The following KALRN variants were observed in gnomAD, a reference collection of about 807,000 sequenced individuals.
KALRN encodes the protein kalirin RhoGEF kinase.
A neutral mutation model predicts 353.7 loss-of-function variants in KALRN; 70 were observed. That is an observed-to-expected ratio of 0.20 (90% CI 0.16 to 0.24). The LOEUF (loss-of-function observed/expected upper bound fraction) is 0.24. KALRN is among the 10% of genes least tolerant of loss of function. The pLI, the probability that KALRN is intolerant of heterozygous loss-of-function variation, is 1.00. For missense variants in KALRN, 2,791 were observed against 3,756.7 expected, an observed-to-expected ratio of 0.74 and a Z score of 6.72; for synonymous variants, 1,391 against 1,434.8, an observed-to-expected ratio of 0.97 and a Z score of 0.69.
chr3:124,395,575 C>A, intron 12 of KALRN: 1 of 509,678 alleles, frequency 2.0e-6, no homozygotes, highest in Non-Finnish European at 3.5e-6. Context: ...GGATGTTATT[C>A]AGCCATCAGT....
chr3:124,542,055 G>A (rs2069095807), intron 33 of KALRN, among the ~76,000 whole-genome samples: 1 of 152,210 alleles, frequency 6.6e-6, no homozygotes, highest in African/African-American at 2.4e-5. Flanking sequence ...TCACCTGTGG[G>A]CACAGAATGG....
In KALRN at chr3:124,269,051, G is replaced by T. The variant is rs761432296; in HGVS notation, c.765G>T (p.Leu255=). ...TGGACCGGGAGGGGCAGCGGCTGCT[G>T]CAGTGCATCCGCTGCAGCGACGGCT... ...EELDREGQRL[L]QCIRCSDGFS... The change falls in exon 5 of 60, where the codon CTG becomes CTT. Residue 255 remains leucine (L), a synonymous_variant. Coordinates refer to ENST00000682506, the MANE Select transcript of KALRN (RefSeq NM_001388419.1). The T allele has an allele frequency of 6.2e-7, 1 of 1,612,786 alleles. No homozygotes were observed. Among genetic ancestry groups the T allele is most frequent in the South Asian group, 1.1e-5 (1 of 91,014 alleles).
intron 10 of KALRN, among the ~76,000 whole-genome samples, chr3:124,354,584 T>C (rs969638193): frequency 6.6e-6 from 1 of 152,192 alleles, no homozygotes; most frequent in African/African-American, 2.4e-5. Flanking sequence ...ATAAATAAAA[T>C]GTGCTTAGAT....
chr3:124,514,230 A>C (rs62265343), intron 33 of KALRN, among the ~76,000 whole-genome samples: 21,025 of 152,120 alleles, frequency 0.14, 1,584 homozygotes, highest in East Asian at 0.28. Context: ...TATAGTATTC[A>C]CAGAGTTCCT....
chr3:124,606,355 G>A lies in KALRN; in HGVS notation c.5183-26065G>A, dbSNP rs2077345738. Among the ~76,000 whole-genome samples the A allele has an allele frequency of 6.6e-5, 10 of 152,278 alleles. No homozygotes were observed. In the South Asian group the frequency reaches 2.1e-3, roughly 32 times the overall value. On this transcript the variant is annotated intron_variant, in intron 34 of 59. Transcript: ENST00000682506. ...GACCTTGGAAACTGCCCAAGAGCTA[G>A]AGCCCAAAATCTCACATGTCTGACA...
At chr3:124,541,497 C>T (rs912918309) in intron 33 of KALRN, among the ~76,000 whole-genome samples, 15 of 151,898 alleles carry the variant, frequency 9.9e-5, no homozygotes, top group Admixed American at 8.5e-4. Flanking sequence ...AATTCTTGGA[C>T]CTTTATAACC....
chr3:124,477,106 A>G (rs967813921), intron 26 of KALRN, 139 bp from the exon 27 acceptor site: 31 of 575,646 alleles, frequency 5.4e-5, no homozygotes, highest in Non-Finnish European at 8.1e-5. Context: ...CTGGATGAGC[A>G]TAGAACATTT....
At chr3:124,108,441 T>A (rs1313861044) in intron 1 of KALRN, among the ~76,000 whole-genome samples, 2 of 152,226 alleles carry the variant, frequency 1.3e-5, no homozygotes, top group Non-Finnish European at 2.9e-5. Flanking sequence ...AATATCTACC[T>A]GTGGTAGTCA....
chr3:124,365,279 G>A (rs574858558), intron 10 of KALRN, among the ~76,000 whole-genome samples: 1 of 152,186 alleles, frequency 6.6e-6, no homozygotes, highest in African/African-American at 2.4e-5. Context: ...ATGAAGGGGG[G>A]TACCTATGGC....
chr3:124,384,272 G>T (rs1489290325), intron 10 of KALRN, among the ~76,000 whole-genome samples: 1 of 152,148 alleles, frequency 6.6e-6, no homozygotes, highest in Non-Finnish European at 1.5e-5. Context: ...GGCCCGCAGG[G>T]AGTAGCCTGC....
chr3:124,488,393 C>T, intron 29 of KALRN, 78 bp downstream of exon 29: 1 of 959,950 alleles, frequency 1.0e-6, no homozygotes, highest in Non-Finnish European at 1.7e-6. Flanking sequence ...AGGGAAGTGG[C>T]ATGAAGTTAG....
intron 33 of KALRN, among the ~76,000 whole-genome samples, chr3:124,557,686 G>T (rs942100860): frequency 2.0e-5 from 3 of 152,232 alleles, no homozygotes; most frequent in Non-Finnish European, 2.9e-5. Flanking sequence ...CTGGCTAAGA[G>T]TTGTGGAGGA....
intron 1 of KALRN, among the ~76,000 whole-genome samples, chr3:124,066,084 A>T (rs2042337115): frequency 1.3e-5 from 2 of 152,320 alleles, no homozygotes; most frequent in Non-Finnish European, 2.9e-5. Flanking sequence ...GGAGAGGGGC[A>T]GCAGGTCATC....
intron 13 of KALRN, among the ~76,000 whole-genome samples, chr3:124,408,566 C>A (rs2091832044): frequency 6.6e-6 from 1 of 152,206 alleles, no homozygotes; most frequent in South Asian, 2.1e-4. Flanking sequence ...ATAATAAATG[C>A]ACAATACAAA....
chr3:124,313,675 C>A (rs1175902509), intron 6 of KALRN, among the ~76,000 whole-genome samples: 1 of 152,166 alleles, frequency 6.6e-6, no homozygotes, highest in Non-Finnish European at 1.5e-5. Context: ...ACCTGGGAAG[C>A]TTTTTAAAAA....
chr3:124,072,258 A>T (rs1161229658), intron 1 of KALRN, among the ~76,000 whole-genome samples: 2 of 152,160 alleles, frequency 1.3e-5, no homozygotes, highest in Non-Finnish European at 2.9e-5. Context: ...AGCTCAGTGC[A>T]TTCTTATTCC....
chr3:124,339,578 C>T (rs1292198833), intron 9 of KALRN, among the ~76,000 whole-genome samples: 2 of 152,136 alleles, frequency 1.3e-5, no homozygotes, highest in African/African-American at 4.8e-5. Flanking sequence ...GGAGCTGCTC[C>T]CCTTCAGAAC....
chr3:124,442,078 C>A lies in KALRN; in HGVS notation c.3313+19C>A. On this transcript the variant is annotated intron_variant, in intron 19 of 59. Transcript: ENST00000682506. ...GTGAAAGGTCAGTGAGAGACCTGCC[C>A]AGCCACCAGTCACTTCAGCGACAGC... 6.6e-7 allele frequency: 1 copy of A among 1,511,028 alleles called. No individual in the cohort carries two copies. Among genetic ancestry groups the A allele is most frequent in the Non-Finnish European group, 9.1e-7 (1 of 1,099,138 alleles). 93.6% of individuals were successfully genotyped at this position (1,511,028 alleles called of 1,614,324 possible). A position where few individuals can be genotyped will look rare whatever the true frequency, so the allele number is the denominator to read the frequency against.
intron 51 of KALRN, among the ~76,000 whole-genome samples, chr3:124,690,220 A>T (rs72968713): frequency 0.011 from 1,727 of 152,340 alleles, 25 homozygotes; most frequent in African/African-American, 0.039. Context: ...ATAAATAAAA[A>T]GTAATAATAA....
Sources: allele counts gnomAD v4.1 joint callset (sites outside exome capture counted in the v4.1 genomes callset), GRCh38; gene constraint gnomAD v4.1.1; transcripts MANE v1.5; gene names NCBI Gene and HGNC (gene_info 2026-07-23, HGNC 2026-07-21).